Variants in QTMAN observed in about 807,000 individuals in gnomAD.
The protein encoded by QTMAN is tRNA-queuosine alpha-mannosyltransferase.
At chr2:144,298,814 T>C in the QTMAN span, among the ~76,000 whole-genome samples, 2 of 152,226 alleles carry the variant, frequency 1.3e-5, no homozygotes, top group Non-Finnish European at 2.9e-5. Flanking sequence ...TTAACGCTAA[T>C]TCTTCCTCTC....
the QTMAN span, chr2:143,947,179 T>C: frequency 7.4e-7 from 1 of 1,350,162 alleles, no homozygotes; most frequent in Non-Finnish European, 1.1e-6. Context: ...GTGAAGAGCA[T>C]TAATGACTAA....
chr2:144,303,983 G>A, the QTMAN span, among the ~76,000 whole-genome samples: 2 of 152,182 alleles, frequency 1.3e-5, no homozygotes, highest in South Asian at 2.1e-4. Context: ...CAGTACATAC[G>A]TAAAAGGAGC....
At chr2:144,080,096 T>C in the QTMAN span, among the ~76,000 whole-genome samples, 1 of 152,126 alleles carries the variant, frequency 6.6e-6, no homozygotes. Flanking sequence ...GTATTGGTAA[T>C]ACACAATTTT....
chr2:144,069,071 C>T, the QTMAN span, among the ~76,000 whole-genome samples: 8 of 152,080 alleles, frequency 5.3e-5, no homozygotes, highest in African/African-American at 1.9e-4. Flanking sequence ...GAAAGTACGG[C>T]TAAAATCCAA....
At chr2:143,978,962 C>T in the QTMAN span, among the ~76,000 whole-genome samples, 2 of 152,142 alleles carry the variant, frequency 1.3e-5, no homozygotes, top group Non-Finnish European at 2.9e-5. Context: ...AGAAATTTCC[C>T]CAAGGTCCAG....
At chr2:144,319,239 T>C in the QTMAN span, among the ~76,000 whole-genome samples, 2 of 152,114 alleles carry the variant, frequency 1.3e-5, no homozygotes, top group Non-Finnish European at 2.9e-5. Flanking sequence ...ATAATAGCTT[T>C]TTGCAAATAG....
the QTMAN span, among the ~76,000 whole-genome samples, chr2:144,084,839 G>T: frequency 6.6e-6 from 1 of 152,114 alleles, no homozygotes; most frequent in Admixed American, 6.6e-5. Context: ...TTGCTTTCAG[G>T]TCAATTTTTC....
the QTMAN span, among the ~76,000 whole-genome samples, chr2:144,214,408 T>G: frequency 6.6e-6 from 1 of 152,302 alleles, no homozygotes; most frequent in East Asian, 1.9e-4. Context: ...ACTGAAAATA[T>G]TCTACATAAA....
chr2:143,951,919 T>G, the QTMAN span: 1 of 815,098 alleles, frequency 1.2e-6, no homozygotes, highest in African/African-American at 1.7e-5. Context: ...TGTTTTTTTT[T>G]AAGATTTTTC....
chr2:143,996,899 T>G, the QTMAN span, among the ~76,000 whole-genome samples: 39 of 152,226 alleles, frequency 2.6e-4, no homozygotes, highest in African/African-American at 9.1e-4. Flanking sequence ...GTCAATCAAT[T>G]AATTTTACAT....
chr2:144,275,456 G>A, the QTMAN span, among the ~76,000 whole-genome samples: 1 of 151,606 alleles, frequency 6.6e-6, no homozygotes, highest in Non-Finnish European at 1.5e-5. Context: ...AGGGACATTG[G>A]CCTGTCTACT....
the QTMAN span, among the ~76,000 whole-genome samples, chr2:144,253,116 T>C: frequency 6.6e-6 from 1 of 152,108 alleles, no homozygotes; most frequent in Non-Finnish European, 1.5e-5. Flanking sequence ...AAAGATCTAA[T>C]GGTTTTATAA....
chr2:144,069,309 A>G, the QTMAN span, among the ~76,000 whole-genome samples: 14 of 151,920 alleles, frequency 9.2e-5, no homozygotes, highest in African/African-American at 3.4e-4. Flanking sequence ...AAAAAAAAAA[A>G]AAAACACCTA....
the QTMAN span, among the ~76,000 whole-genome samples, chr2:144,276,867 A>G: frequency 6.6e-6 from 1 of 152,190 alleles, no homozygotes; most frequent in South Asian, 2.1e-4. Context: ...TAGTTCATAC[A>G]CTTACAGAAC....
chr2:143,971,837 T>C, the QTMAN span, among the ~76,000 whole-genome samples: 5 of 152,146 alleles, frequency 3.3e-5, no homozygotes, highest in African/African-American at 7.2e-5. Flanking sequence ...GAAAATTACA[T>C]CATTCAGGAA....
the QTMAN span, among the ~76,000 whole-genome samples, chr2:143,973,260 A>C: frequency 6.6e-6 from 1 of 152,184 alleles, no homozygotes; most frequent in Non-Finnish European, 1.5e-5. Context: ...AGGTGCCACC[A>C]TTATGAACTC....
At chr2:144,271,704 C>T in the QTMAN span, among the ~76,000 whole-genome samples, 2 of 152,142 alleles carry the variant, frequency 1.3e-5, no homozygotes, top group Admixed American at 6.5e-5. Context: ...ATGCTCCCTG[C>T]TCCCCCACCA....
the QTMAN span, among the ~76,000 whole-genome samples, chr2:144,041,988 A>C: frequency 1.3e-5 from 2 of 152,132 alleles, no homozygotes; most frequent in Non-Finnish European, 2.9e-5. Flanking sequence ...CTGCAGAGAT[A>C]ACCAGGTACC....
chr2:144,233,319 CA>C, the QTMAN span, among the ~76,000 whole-genome samples: 1 of 152,068 alleles, frequency 6.6e-6, no homozygotes. Context: ...GTGGAAAAGG[CA>C]AATTTAGCAC....
Sources: allele counts gnomAD v4.1 joint callset (sites outside exome capture counted in the v4.1 genomes callset), GRCh38; gene constraint gnomAD v4.1.1; transcripts MANE v1.5; gene names NCBI Gene and HGNC (gene_info 2026-07-23, HGNC 2026-07-21).